Variants in RB1 observed in about 807,000 individuals in gnomAD.
RB1 encodes the protein retinoblastoma-associated protein.
Under a neutral mutation model 135.4 loss-of-function variants are expected in RB1, and 18 were observed. The observed-to-expected ratio is 0.13, with a 90% CI of 0.09 to 0.20. The LOEUF (loss-of-function observed/expected upper bound fraction) is 0.20, where lower values mean the gene tolerates loss of function less well. RB1 is among the 10% of genes least tolerant of loss of function. The pLI is 1.00. For synonymous variants in RB1, 365 were observed against 373.2 expected (o/e 0.98, Z 0.25); for missense variants, 868 against 1,110.0 (o/e 0.78, Z 3.10).
chr13:48,385,259 C>T (rs1948563568), intron 17 of RB1, among the ~76,000 whole-genome samples: 1 of 152,038 alleles, frequency 6.6e-6, no homozygotes, highest in Non-Finnish European at 1.5e-5. Flanking sequence ...CATGCTAATT[C>T]CTCAGGTAAA....
chr13:48,324,134 G>A (rs1177636625), intron 2 of RB1, among the ~76,000 whole-genome samples: 1 of 152,054 alleles, frequency 6.6e-6, no homozygotes, highest in East Asian at 1.9e-4. Flanking sequence ...AGCATATAAT[G>A]TGTAATGACC....
intron 17 of RB1, among the ~76,000 whole-genome samples, chr13:48,403,167 A>T (rs1948708737): frequency 2.0e-5 from 3 of 152,188 alleles, no homozygotes. Context: ...ATTTTTTAGC[A>T]GCAGTCAAAG....
Position 48,481,854 on chromosome 13 carries a change from G to C in RB1, c.*1783G>C. 4.6e-6 allele frequency: 1 copy of C among 218,440 alleles called. No homozygotes were observed. The highest frequency in any genetic ancestry group is 5.8e-5 in the Admixed American group (1 of 17,308). The allele number at this position is 218,440 out of a possible 1,614,324, so 13.5% of individuals were successfully genotyped here. The stretch of plus-strand genomic sequence containing the variant: ...TACTATTTTCTACAATTAATAGTTT[G>C]TCTATTTTAAAATAAATTAGTTGTT... On this transcript the variant is annotated 3_prime_UTR_variant, in exon 27 of 27. Coordinates refer to ENST00000267163, the MANE Select transcript of RB1 (RefSeq NM_000321.3).
chr13:48,318,506 G>T, intron 2 of RB1: 1 of 1,074,724 alleles, frequency 9.3e-7, no homozygotes, highest in Non-Finnish European at 1.4e-6. Context: ...CCTGCGTCAT[G>T]CGAGTGTCGC....
At chr13:48,402,379 C>CATTTTTTT (rs1555288404) in intron 17 of RB1, among the ~76,000 whole-genome samples, 2 of 125,718 alleles carry the variant, frequency 1.6e-5, no homozygotes, top group Non-Finnish European at 3.3e-5. Flanking sequence ...TGTAGAAAAC[C>CATTTTTTT]TTTTTTTTTT....
intron 2 of RB1, among the ~76,000 whole-genome samples, chr13:48,313,781 C>T (rs1290116587): frequency 4.5e-5 from 6 of 134,094 alleles, no homozygotes; most frequent in Non-Finnish European, 7.7e-5. Flanking sequence ...CGGAGTCTCG[C>T]TCTGTCGCCC....
chr13:48,345,044 T>G (rs1457199354), intron 3 of RB1, 36 bp from the exon 4 acceptor site: 1 of 1,593,872 alleles, frequency 6.3e-7, no homozygotes, highest in African/African-American at 1.3e-5. Flanking sequence ...ATTTTTAAGG[T>G]TACTGATTTA....
At chr13:48,340,507 G>A (rs931471629) in intron 2 of RB1, among the ~76,000 whole-genome samples, 2 of 151,264 alleles carry the variant, frequency 1.3e-5, no homozygotes, top group South Asian at 2.1e-4. Flanking sequence ...AATAAAATTC[G>A]CTGTTTTAAA....
At chr13:48,462,653 T>C (rs1949413534) in intron 20 of RB1, among the ~76,000 whole-genome samples, 1 of 152,212 alleles carries the variant, frequency 6.6e-6, no homozygotes, top group Non-Finnish European at 1.5e-5. Flanking sequence ...GTGTCATATC[T>C]AAGAAACCAG....
chr13:48,313,745 CTTTTTTTTTT>C (rs56131979), intron 2 of RB1, among the ~76,000 whole-genome samples: 24 of 101,962 alleles, frequency 2.4e-4, no homozygotes, highest in Middle Eastern at 0.014. Flanking sequence ...TATGTTTATT[CTTTTTTTTTT>C]TTTTTTTTTT....
At chr13:48,411,613 T>G in intron 17 of RB1, 1 of 1,612,284 alleles carries the variant, frequency 6.2e-7, no homozygotes, top group Non-Finnish European at 8.5e-7. Flanking sequence ...GGGTACATTG[T>G]CCTTACTGCT....
At chr13:48,409,143 C>CT (rs1948766127) in intron 17 of RB1, among the ~76,000 whole-genome samples, 1 of 141,870 alleles carries the variant, frequency 7.0e-6, no homozygotes. Flanking sequence ...GGTTTTTTTT[C>CT]TTTTCTCTTT....
chr13:48,360,822 A>G (rs1952632496), intron 7 of RB1: 1 of 152,132 alleles, frequency 6.6e-6, no homozygotes, highest in Non-Finnish European at 1.5e-5. Context: ...ATTATTATAT[A>G]CAGAAAAATG....
At chr13:48,317,115 C>G in intron 2 of RB1, 1 of 905,486 alleles carries the variant, frequency 1.1e-6, no homozygotes, top group East Asian at 4.0e-5. Flanking sequence ...GTGTGGGCTT[C>G]CAAAGACAGG....
chr13:48,374,166 C>T (rs1310485431), intron 12 of RB1, among the ~76,000 whole-genome samples: 1 of 152,072 alleles, frequency 6.6e-6, no homozygotes, highest in Non-Finnish European at 1.5e-5. Context: ...TTACCTGGCC[C>T]TGTTAGCATT....
At chr13:48,404,652 G>C (rs572541468) in intron 17 of RB1, among the ~76,000 whole-genome samples, 129 of 152,080 alleles carry the variant, frequency 8.5e-4, no homozygotes, top group African/African-American at 3.0e-3. Context: ...TTAGCCTCCT[G>C]AGTAGCTGGG....
intron 2 of RB1, among the ~76,000 whole-genome samples, chr13:48,312,838 C>T (rs1952143142): frequency 6.6e-6 from 1 of 152,118 alleles, no homozygotes; most frequent in South Asian, 2.1e-4. Context: ...CTTCTTTTCT[C>T]CATCCAATCC....
At chr13:48,367,698 T>C in intron 10 of RB1, 95 bp downstream of exon 10, 1 of 1,387,394 alleles carries the variant, frequency 7.2e-7, no homozygotes, top group Admixed American at 2.2e-5. Context: ...GACCTTTAGA[T>C]ATCATTTATA....
At chr13:48,320,026 G>A in intron 2 of RB1, 1 of 448,184 alleles carries the variant, frequency 2.2e-6, no homozygotes. Flanking sequence ...CGCCTGGCTG[G>A]CCCCTGCCAG....
Sources: allele counts gnomAD v4.1 joint callset (sites outside exome capture counted in the v4.1 genomes callset), GRCh38; gene constraint gnomAD v4.1.1; transcripts MANE v1.5; gene names NCBI Gene and HGNC (gene_info 2026-07-23, HGNC 2026-07-21).